Variants in JAK2 observed in about 807,000 individuals in gnomAD.
JAK2 encodes the protein tyrosine-protein kinase JAK2.
In JAK2, 86 loss-of-function variants were observed where a neutral mutation model predicts 139.3. The ratio of observed to expected loss-of-function variants is 0.62; its 90% CI spans 0.52 to 0.74. The LOEUF is 0.74. Among genes scored for constraint, JAK2 ranks in the 30% least tolerant of loss-of-function variants. The pLI, the probability that JAK2 is intolerant of heterozygous loss-of-function variation, is 0.00. For synonymous variants in JAK2, 490 were observed against 437.7 expected (o/e 1.12, Z -1.49); for missense variants, 1,421 against 1,360.3 (o/e 1.04, Z -0.70).
chr9:4,999,793 C>G (rs995504504), intron 2 of JAK2, among the ~76,000 whole-genome samples: 2 of 152,164 alleles, frequency 1.3e-5, no homozygotes, highest in Admixed American at 6.5e-5. Context: ...GGCTAAGTTG[C>G]CACAATTTAT....
chr9:5,082,984 CT>C (rs890098145), intron 19 of JAK2, among the ~76,000 whole-genome samples: 7 of 152,196 alleles, frequency 4.6e-5, no homozygotes, highest in Non-Finnish European at 1.0e-4. Context: ...ACTGATCTCT[CT>C]TTCTTTTCCC....
chr9:5,019,790 T>A (rs1178768530), intron 2 of JAK2, among the ~76,000 whole-genome samples: 1 of 152,166 alleles, frequency 6.6e-6, no homozygotes, highest in African/African-American at 2.4e-5. Context: ...CTGTAAGATT[T>A]TTTTTCCTTT....
At position 5,078,454 on chromosome 9, in the gene JAK2, A is replaced by G. The variant is rs761849610; in HGVS notation, c.2131+10A>G. The G allele has an allele frequency of 1.9e-6, 3 of 1,608,368 alleles. No individual in the cohort carries two copies. The highest frequency in any genetic ancestry group is 1.3e-5 in the African/African-American group (1 of 74,882). On this transcript the variant is annotated intron_variant, in intron 16 of 24. Transcript: ENST00000381652. ...GTTTTGCCAAAGGACAGTAAGTTCT[A>G]GAAGGATTATATATAATGTTACTAA...
At chr9:5,103,029 A>T (rs1003903676) in intron 22 of JAK2, among the ~76,000 whole-genome samples, 2 of 151,990 alleles carry the variant, frequency 1.3e-5, no homozygotes, top group Non-Finnish European at 2.9e-5. Flanking sequence ...AACAGGTTCA[A>T]ATTCACACAT....
At chr9:5,102,961 C>T (rs773436161) in intron 22 of JAK2, among the ~76,000 whole-genome samples, 4 of 151,904 alleles carry the variant, frequency 2.6e-5, no homozygotes, top group African/African-American at 7.3e-5. Context: ...TAAAGACCAT[C>T]GATGATAGGA....
At chr9:5,005,975 A>T (rs572275581) in intron 2 of JAK2, among the ~76,000 whole-genome samples, 57 of 152,032 alleles carry the variant, frequency 3.7e-4, no homozygotes, top group Non-Finnish European at 6.6e-4. Context: ...CTGGCGATGC[A>T]GGCTCTTTTT....
chr9:5,097,347 T>G (rs1349521697), intron 22 of JAK2: 2 of 152,190 alleles, frequency 1.3e-5, no homozygotes, highest in African/African-American at 4.8e-5. Context: ...CTATCTTATA[T>G]CAACATTTAT....
chr9:5,125,558 A>G (rs1317514170), intron 23 of JAK2, among the ~76,000 whole-genome samples: 1 of 151,570 alleles, frequency 6.6e-6, no homozygotes, highest in Non-Finnish European at 1.5e-5. Flanking sequence ...GAACTATTTT[A>G]AAATTTTTTT....
At chr9:5,076,121 T>C (rs1186233204) in intron 14 of JAK2, among the ~76,000 whole-genome samples, 1 of 152,144 alleles carries the variant, frequency 6.6e-6, no homozygotes, top group East Asian at 1.9e-4. Context: ...TTGCTTCTTA[T>C]GGATAAGCAG....
At chr9:5,086,981 G>C (rs1820167674) in intron 19 of JAK2, among the ~76,000 whole-genome samples, 1 of 152,026 alleles carries the variant, frequency 6.6e-6, no homozygotes, top group Non-Finnish European at 1.5e-5. Flanking sequence ...CCTAGTACGG[G>C]AACAATACAA....
At chr9:5,072,689 A>G (rs1819047724) in intron 13 of JAK2, 63 bp downstream of exon 13, 6 of 1,256,000 alleles carry the variant, frequency 4.8e-6, no homozygotes, top group South Asian at 4.1e-5. Context: ...TCTCATATGC[A>G]TACAACGTAC....
intron 5 of JAK2, among the ~76,000 whole-genome samples, chr9:5,048,384 GCCT>G (rs1817178700): frequency 6.6e-6 from 1 of 152,010 alleles, no homozygotes; most frequent in African/African-American, 2.4e-5. Context: ...CTTGTCATCT[GCCT>G]GCCTTGGCCT....
intron 3 of JAK2, among the ~76,000 whole-genome samples, chr9:5,026,027 C>A (rs1043936924): frequency 3.9e-5 from 6 of 151,918 alleles, no homozygotes; most frequent in Admixed American, 3.9e-4. Context: ...TTCTTATTAT[C>A]CTTGACAAAG....
In JAK2 at chr9:5,070,060, A is replaced by G. The variant is rs751902353; in HGVS notation, c.1641+8A>G. ...AATGAAGATTTGATATTTGTAAGTC[A>G]TTAGATACTCATTACTGTCTTTTTT... On this transcript the variant is annotated splice_region_variant and intron_variant, in intron 12 of 24. Coordinates refer to ENST00000381652, the MANE Select transcript of JAK2 (RefSeq NM_004972.4). The G allele has an allele frequency of 3.1e-5, 49 of 1,589,126 alleles. No individual in the cohort carries two copies. Among genetic ancestry groups the G allele is most frequent in the Non-Finnish European group, 4.1e-5 (48 of 1,164,594 alleles).
intron 22 of JAK2, among the ~76,000 whole-genome samples, chr9:5,113,157 T>C (rs1360885773): frequency 6.9e-6 from 1 of 144,050 alleles, no homozygotes; most frequent in Non-Finnish European, 1.5e-5. Flanking sequence ...ACCCTGAAAC[T>C]GCATCTTGGC....
At chr9:5,045,463 T>C (rs1025809373) in intron 5 of JAK2, among the ~76,000 whole-genome samples, 7 of 152,206 alleles carry the variant, frequency 4.6e-5, no homozygotes, top group Non-Finnish European at 8.8e-5. Context: ...TACAGTTCAG[T>C]TGTATTAAGT....
chr9:5,048,849 CT>C (rs1466973277), intron 5 of JAK2, among the ~76,000 whole-genome samples: 5 of 152,070 alleles, frequency 3.3e-5, no homozygotes, highest in African/African-American at 1.2e-4. Flanking sequence ...ATAGAGGGCC[CT>C]TGTCCGGTTT....
intron 8 of JAK2, among the ~76,000 whole-genome samples, chr9:5,056,684 G>T (rs898413348): frequency 6.6e-6 from 1 of 152,104 alleles, no homozygotes; most frequent in Admixed American, 6.5e-5. Context: ...GAAAAAGCTT[G>T]ATAAATATTT....
chr9:4,996,402 C>A (rs1015476258), intron 2 of JAK2, among the ~76,000 whole-genome samples: 4 of 151,812 alleles, frequency 2.6e-5, no homozygotes, highest in Non-Finnish European at 5.9e-5. Flanking sequence ...GAGCTGAGAT[C>A]GTGCCATTGC....
Sources: gnomAD v4.1 joint callset for allele counts (sites outside exome capture counted in the v4.1 genomes callset) on GRCh38, gnomAD v4.1.1 for gene constraint, MANE v1.5 for transcripts, NCBI Gene and HGNC (gene_info 2026-07-23, HGNC 2026-07-21) for gene names.